Variants in RAPGEF2 observed in about 807,000 individuals in gnomAD.
The protein encoded by RAPGEF2 is Rap guanine nucleotide exchange factor 2.
Under a neutral mutation model 186.7 loss-of-function variants are expected in RAPGEF2, and 54 were observed. The ratio of observed to expected loss-of-function variants is 0.29; its 90% CI spans 0.23 to 0.36. The LOEUF (loss-of-function observed/expected upper bound fraction) is 0.36. RAPGEF2 is among the 10% of genes least tolerant of loss of function. The pLI, the probability that RAPGEF2 is intolerant of heterozygous loss-of-function variation, is 1.00. For missense variants in RAPGEF2, 1,532 were observed against 2,045.0 expected, an observed-to-expected ratio of 0.75 and a Z score of 4.84; for synonymous variants, 712 against 705.9, an observed-to-expected ratio of 1.01 and a Z score of -0.14.
chr4:159,234,436 G>A (rs1412002802), intron 4 of RAPGEF2, among the ~76,000 whole-genome samples: 1 of 152,038 alleles, frequency 6.6e-6, no homozygotes, highest in Non-Finnish European at 1.5e-5. Flanking sequence ...AGGCTGGAGT[G>A]TAGTGGAACG....
rs1765368260 is a variant in RAPGEF2 at position 159,322,596 on chromosome 4, G to A, written c.990+113G>A. 8.8e-5 allele frequency: 71 copies of A among 808,118 alleles called. No individual in the cohort carries two copies. In the South Asian group the frequency reaches 1.3e-3, roughly 15 times the overall value. 50.1% of individuals were successfully genotyped at this position (808,118 alleles called of 1,614,324 possible). On this transcript the variant is annotated intron_variant, in intron 10 of 29. Coordinates refer to ENST00000691494, the MANE Select transcript of RAPGEF2 (RefSeq NM_001394067.2). ...CCTTTTTAATACCCAACAACAGTAA[G>A]TTTGAATAATTCAAGAATTATGGTA...
intron 19 of RAPGEF2, among the ~76,000 whole-genome samples, chr4:159,340,576 A>G (rs1208416893): frequency 6.6e-6 from 1 of 152,088 alleles, no homozygotes; most frequent in East Asian, 1.9e-4. Context: ...GGCCCCTACT[A>G]TGCTCATTCT....
At position 159,330,291 on chromosome 4, in the gene RAPGEF2, GTGTGTA is replaced by G. The variant is rs763223091; in HGVS notation, c.1303-41_1303-36del. ...TGTGTGTGTGTGTGTGTGTGTGTGT[GTGTGTA>G]TATATATGTAGTAATTAAACCTTTT... On this transcript the variant is annotated intron_variant, in intron 12 of 29. Transcript: ENST00000691494. 44 of 978,330 alleles carry G rather than the reference GTGTGTA, an allele frequency of 4.5e-5. 1 individual carries two copies. In the African/African-American group the frequency reaches 4.8e-4, roughly 11 times the overall value. The allele number at this position is 978,330 out of a possible 1,614,324, so 60.6% of individuals were successfully genotyped here.
intron 8 of RAPGEF2, among the ~76,000 whole-genome samples, chr4:159,305,974 G>A (rs1279876716): frequency 6.6e-6 from 1 of 152,018 alleles, no homozygotes; most frequent in Admixed American, 6.6e-5. Flanking sequence ...CTGTAAATAC[G>A]TGACTTTATT....
At chr4:159,132,459 GT>G (rs1271968449) in intron 1 of RAPGEF2, among the ~76,000 whole-genome samples, 2 of 152,272 alleles carry the variant, frequency 1.3e-5, no homozygotes, top group East Asian at 3.9e-4. Context: ...AAGGAGTCTT[GT>G]TTGTTTCTCT....
intron 1 of RAPGEF2, 41 bp downstream of exon 1, chr4:159,104,272 C>T (rs1273295581): frequency 9.1e-7 from 1 of 1,096,272 alleles, no homozygotes. Context: ...CGGATTTCTG[C>T]CTCGCAGGCT....
intron 29 of RAPGEF2, among the ~76,000 whole-genome samples, 192 bp from the exon 30 acceptor site, chr4:159,357,922 T>C (rs967753355): frequency 2.0e-5 from 3 of 152,038 alleles, no homozygotes; most frequent in East Asian, 1.9e-4. Context: ...TGTAAAGATA[T>C]GTATTGCATA....
chr4:159,218,757 A>G (rs1561099067), intron 4 of RAPGEF2, among the ~76,000 whole-genome samples: 1 of 144,210 alleles, frequency 6.9e-6, no homozygotes, highest in Non-Finnish European at 1.5e-5. Context: ...GACTCCATCT[A>G]AAAAAAAAAA....
chr4:159,262,856 A>G (rs540565383), intron 7 of RAPGEF2, among the ~76,000 whole-genome samples: 4 of 152,138 alleles, frequency 2.6e-5, no homozygotes, highest in African/African-American at 7.2e-5. Flanking sequence ...CTTGGAACGT[A>G]TCTGTGGAGT....
intron 4 of RAPGEF2, among the ~76,000 whole-genome samples, chr4:159,222,918 A>T (rs1428032434): frequency 9.6e-5 from 8 of 83,204 alleles, no homozygotes; most frequent in South Asian, 2.8e-4. Flanking sequence ...GAGTTGAATT[A>T]TATATATATA....
intron 9 of RAPGEF2, among the ~76,000 whole-genome samples, chr4:159,317,667 T>C (rs1187113983): frequency 6.6e-6 from 1 of 152,218 alleles, no homozygotes; most frequent in African/African-American, 2.4e-5. Flanking sequence ...TGATTTCCAG[T>C]GTCCAAAATT....
intron 1 of RAPGEF2, among the ~76,000 whole-genome samples, chr4:159,131,735 G>A (rs1187553336): frequency 6.6e-6 from 1 of 151,498 alleles, no homozygotes; most frequent in Admixed American, 6.6e-5. Flanking sequence ...GGTTTTCTCA[G>A]CAGTCCTACA....
chr4:159,231,273 G>T (rs893416495), intron 4 of RAPGEF2, among the ~76,000 whole-genome samples: 3 of 151,966 alleles, frequency 2.0e-5, no homozygotes, highest in African/African-American at 7.2e-5. Flanking sequence ...TTCTGTGATG[G>T]TCACACAACA....
rs776515737 is a variant in RAPGEF2, at chr4:159,350,253, TCTC to T, written c.3835_3837del (p.Pro1279del). Reference sequence around the variant, plus strand: ...ATCAAATGCATCTTCGCAGCTTTCTTCTCCTCCTACTTCTCCACAGAGTTCTCC... The same window carrying T: ...ATCAAATGCATCTTCGCAGCTTTCTTCTCCTACTTCTCCACAGAGTTCTCC... On this transcript the variant is annotated inframe_deletion, in exon 26 of 30. Coordinates refer to ENST00000691494, the MANE Select transcript of RAPGEF2 (RefSeq NM_001394067.2). 32 of 1,599,820 alleles carry T rather than the reference TCTC, an allele frequency of 2.0e-5. No individual in the cohort carries two copies. The highest frequency in any genetic ancestry group is 3.3e-4 in the Middle Eastern group (2 of 6,038).
rs78688414 is a variant in RAPGEF2, at chr4:159,209,488, A to G, written c.198-1012A>G. Reference sequence around the variant, plus strand: ...TGGAATGCTGCTCCCTTCAGGATCCACGTGGCTAACTCACCTCCTTTGCTC... The same window carrying G: ...TGGAATGCTGCTCCCTTCAGGATCCGCGTGGCTAACTCACCTCCTTTGCTC... On this transcript the variant is annotated intron_variant, in intron 3 of 29. Coordinates refer to ENST00000691494, the MANE Select transcript of RAPGEF2 (RefSeq NM_001394067.2). 4.1e-3 allele frequency among the ~76,000 whole-genome samples: 622 copies of G among 152,310 alleles called. 3 individuals are homozygous for G. The highest frequency in any genetic ancestry group is 0.014 in the African/African-American group (584 of 41,572).
intron 25 of RAPGEF2, among the ~76,000 whole-genome samples, chr4:159,347,218 G>T (rs1176099806): frequency 6.6e-6 from 1 of 152,152 alleles, no homozygotes; most frequent in East Asian, 1.9e-4. Context: ...ATGCTAATTT[G>T]CTACGACAGG....
At chr4:159,184,311 C>T (rs953107151) in intron 1 of RAPGEF2, among the ~76,000 whole-genome samples, 65 of 152,260 alleles carry the variant, frequency 4.3e-4, no homozygotes, top group African/African-American at 1.5e-3. Flanking sequence ...CTTGAGGAAT[C>T]GCCACACTGT....
intron 4 of RAPGEF2, among the ~76,000 whole-genome samples, chr4:159,217,809 T>G (rs13116619): frequency 0.68 from 103,127 of 152,120 alleles, 36,108 homozygotes; most frequent in African/African-American, 0.81. Context: ...CCACAGCCTG[T>G]CCAGCATCTG....
intron 3 of RAPGEF2, among the ~76,000 whole-genome samples, chr4:159,201,330 C>G (rs1377858655): frequency 6.6e-6 from 1 of 152,038 alleles, no homozygotes; most frequent in African/African-American, 2.4e-5. Flanking sequence ...GGAAGGTGGC[C>G]ATTGTTAGAA....
Sources: allele counts gnomAD v4.1 joint callset (sites outside exome capture counted in the v4.1 genomes callset), GRCh38; gene constraint gnomAD v4.1.1; transcripts MANE v1.5; gene names NCBI Gene and HGNC (gene_info 2026-07-23, HGNC 2026-07-21).